CEP63: variants seen among roughly 807,000 people sequenced by gnomAD.
CEP63 encodes centrosomal protein of 63 kDa.
CEP63 carries 84 observed loss-of-function variants against 89.1 expected under a neutral mutation model. That is an observed-to-expected ratio of 0.94 (90% CI 0.79 to 1.13). The LOEUF is 1.13. CEP63 is among the 50% of genes most tolerant of loss of function. CEP63 has a pLI of 0.00. For synonymous variants in CEP63, 267 were observed against 272.5 expected, an observed-to-expected ratio of 0.98 and a Z score of 0.20; for missense variants, 838 against 813.3, an observed-to-expected ratio of 1.03 and a Z score of -0.37.
At position 134,523,996 on chromosome 3, in the gene CEP63, A is replaced by G. The variant is rs144816355; in HGVS notation, c.223-7849A>G. Among the ~76,000 whole-genome samples the G allele has an allele frequency of 2.4e-3, 372 of 152,290 alleles. 1 individual carries two copies. The highest frequency in any genetic ancestry group is 8.8e-3 in the African/African-American group (364 of 41,564). ...TGCTTTGGGCAGTATAGCCATTTTA[A>G]TGATACTGATTCTTCCTTCCATGAG... On this transcript the variant is annotated intron_variant, in intron 3 of 14. Coordinates refer to ENST00000675561, the MANE Select transcript of CEP63 (RefSeq NM_001353108.3).
chr3:134,651,253 G>C, the CEP63 span: 1 of 1,220,932 alleles, frequency 8.2e-7, no homozygotes, highest in Non-Finnish European at 1.0e-6. Context: ...AGGGGCGGCC[G>C]GTCCAGAGCC....
chr3:134,675,884 A>G, the CEP63 span, among the ~76,000 whole-genome samples: 2 of 152,242 alleles, frequency 1.3e-5, no homozygotes, highest in South Asian at 2.1e-4. Context: ...GATGATAACA[A>G]GTGTTGGCAA....
At chr3:134,742,195 A>C in the CEP63 span, among the ~76,000 whole-genome samples, 1 of 151,338 alleles carries the variant, frequency 6.6e-6, no homozygotes, top group African/African-American at 2.4e-5. Flanking sequence ...ATCAGCTACT[A>C]CTCCTCTCTC....
At chr3:134,525,035 A>G (rs1206781946) in intron 3 of CEP63, among the ~76,000 whole-genome samples, 1 of 152,120 alleles carries the variant, frequency 6.6e-6, no homozygotes, top group Non-Finnish European at 1.5e-5. Flanking sequence ...TTGGTAAGCT[A>G]TTTATTACTG....
At chr3:134,650,825 C>T in the CEP63 span, 1 of 1,585,112 alleles carries the variant, frequency 6.3e-7, no homozygotes, top group African/African-American at 1.4e-5. Flanking sequence ...CGCGCGTTAC[C>T]TCCTCCGCGC....
the CEP63 span, among the ~76,000 whole-genome samples, chr3:134,646,104 A>T: frequency 6.6e-6 from 1 of 152,286 alleles, no homozygotes; most frequent in South Asian, 2.1e-4. Context: ...CTTAGCATGC[A>T]TACCTTCCAT....
the CEP63 span, among the ~76,000 whole-genome samples, chr3:134,691,677 A>T: frequency 3.1e-4 from 47 of 152,188 alleles, 1 homozygote. Context: ...ACATGCTAAT[A>T]TATTTCATGA....
At chr3:134,530,283 C>T (rs1053678801) in intron 3 of CEP63, among the ~76,000 whole-genome samples, 1 of 152,186 alleles carries the variant, frequency 6.6e-6, no homozygotes, top group Non-Finnish European at 1.5e-5. Context: ...AGATAACTTA[C>T]CCGCACAAGT....
the CEP63 span, among the ~76,000 whole-genome samples, chr3:134,731,852 CA>C: frequency 1.3e-4 from 20 of 152,128 alleles, no homozygotes; most frequent in Non-Finnish European, 2.6e-4. Context: ...CAAAACGCTA[CA>C]AAACCACTGC....
the CEP63 span, chr3:134,604,248 G>T: frequency 6.2e-7 from 1 of 1,613,898 alleles, no homozygotes; most frequent in Non-Finnish European, 8.5e-7. Flanking sequence ...GGACACCCAT[G>T]TCCACATAAT....
chr3:134,619,114 C>T, the CEP63 span: 66 of 1,538,514 alleles, frequency 4.3e-5, no homozygotes, highest in African/African-American at 7.0e-4. Flanking sequence ...GGGATGGGTC[C>T]GGTGGTCAGC....
At chr3:134,628,036 T>A in the CEP63 span, 1 of 593,904 alleles carries the variant, frequency 1.7e-6, no homozygotes, top group South Asian at 2.1e-5. Context: ...AGGAAGTGGC[T>A]GACAAGAAAG....
chr3:134,493,533 C>G (rs374927249), intron 1 of CEP63, among the ~76,000 whole-genome samples: 54 of 152,086 alleles, frequency 3.6e-4, no homozygotes, highest in African/African-American at 1.2e-3. Flanking sequence ...GATAAACCAA[C>G]TAGAAAAAAA....
the CEP63 span, among the ~76,000 whole-genome samples, chr3:134,757,299 T>G: frequency 6.6e-6 from 1 of 152,084 alleles, no homozygotes; most frequent in South Asian, 2.1e-4. Flanking sequence ...AAAAGGAGAA[T>G]GGATAGTGGG....
chr3:134,545,607 CAG>C lies in CEP63; in HGVS notation c.579_580del (p.Lys194IlefsTer8). 6.2e-7 allele frequency: 1 copy of C among 1,614,022 alleles called. No homozygotes were observed. The highest frequency in any genetic ancestry group is 8.5e-7 in the Non-Finnish European group (1 of 1,179,938). On this transcript the variant is annotated frameshift_variant, in exon 7 of 15. Coordinates refer to ENST00000675561, the MANE Select transcript of CEP63 (RefSeq NM_001353108.3). LOFTEE classifies it high-confidence loss of function. ...CTAGGCTCAGCTTGTCAATCGGAAA[CAG>C]AAATTAGAGTCTGTGGAACTTTCTA... ...IIQAQLVNRK[Q>X]KLESVELSSQ...
the CEP63 span, chr3:134,629,434 C>T: frequency 3.2e-5 from 18 of 559,528 alleles, no homozygotes; most frequent in African/African-American, 7.5e-5. Flanking sequence ...GCAAAATCAG[C>T]GGTAGCTGGG....
At chr3:134,611,946 A>G in the CEP63 span, among the ~76,000 whole-genome samples, 2 of 152,272 alleles carry the variant, frequency 1.3e-5, no homozygotes, top group South Asian at 4.1e-4. Flanking sequence ...AATACATATC[A>G]CTTGCTGAGA....
chr3:134,566,618 G>A (rs1168627012), downstream of CEP63, among the ~76,000 whole-genome samples: 2 of 152,062 alleles, frequency 1.3e-5, no homozygotes, highest in African/African-American at 4.8e-5. Context: ...GTTCAAAAAT[G>A]GACAAAAGAT....
At chr3:134,606,220 C>G in the CEP63 span, among the ~76,000 whole-genome samples, 7 of 152,134 alleles carry the variant, frequency 4.6e-5, no homozygotes, top group Non-Finnish European at 7.4e-5. Context: ...TGAGATTCAC[C>G]TTTGATTGTG....
Sources: allele counts gnomAD v4.1 joint callset (sites outside exome capture counted in the v4.1 genomes callset), GRCh38; gene constraint gnomAD v4.1.1; transcripts MANE v1.5; gene names NCBI Gene and HGNC (gene_info 2026-07-23, HGNC 2026-07-21).